Variants in PTPRM observed in about 807,000 individuals in gnomAD.
PTPRM encodes the protein receptor-type tyrosine-protein phosphatase mu.
In PTPRM, 47 loss-of-function variants were observed where a neutral mutation model predicts 186.7. The ratio of observed to expected loss-of-function variants is 0.25; its 90% confidence interval spans 0.20 to 0.32. PTPRM has a LOEUF of 0.32. Among genes scored for constraint, PTPRM ranks in the 10% least tolerant of loss-of-function variants. The probability of loss-of-function intolerance (pLI) is 1.00; values close to 1 mark genes in which losing one functional copy is unlikely to be tolerated. For missense variants in PTPRM, 1,494 were observed against 1,865.0 expected (o/e 0.80, Z 3.66); for synonymous variants, 668 against 674.9 (o/e 0.99, Z 0.16).
intron 14 of PTPRM, among the ~76,000 whole-genome samples, chr18:8,176,807 G>A (rs946787086): frequency 1.3e-5 from 2 of 152,128 alleles, no homozygotes; most frequent in South Asian, 2.1e-4. Context: ...AGTCAACCTC[G>A]GCAATAATAA....
At chr18:8,166,941 T>C (rs1222360752) in intron 14 of PTPRM, among the ~76,000 whole-genome samples, 1 of 152,200 alleles carries the variant, frequency 6.6e-6, no homozygotes, top group Non-Finnish European at 1.5e-5. Context: ...AGAAAGCAGC[T>C]GAAAATTCTG....
At chr18:7,726,479 A>C (rs1264436304) in intron 1 of PTPRM, among the ~76,000 whole-genome samples, 1 of 152,132 alleles carries the variant, frequency 6.6e-6, no homozygotes, top group South Asian at 2.1e-4. Flanking sequence ...TTAAGCTCTC[A>C]TAGAAGGATT....
At chr18:8,084,817 G>A (rs983035041) in intron 9 of PTPRM, among the ~76,000 whole-genome samples, 1 of 152,090 alleles carries the variant, frequency 6.6e-6, no homozygotes, top group Non-Finnish European at 1.5e-5. Context: ...TACTCATAGT[G>A]AAATTCTTTA....
At chr18:8,380,757 C>A (rs2095728736) in intron 29 of PTPRM, among the ~76,000 whole-genome samples, 1 of 152,166 alleles carries the variant, frequency 6.6e-6, no homozygotes. Flanking sequence ...CAGCAGGAAC[C>A]TGAACATCGC....
chr18:7,666,280 C>T (rs1396503253), intron 1 of PTPRM, among the ~76,000 whole-genome samples: 1 of 152,022 alleles, frequency 6.6e-6, no homozygotes, highest in Non-Finnish European at 1.5e-5. Context: ...TTTGTCTTCT[C>T]TTCCCAGAAC....
chr18:7,992,769 A>G (rs1241358797), intron 7 of PTPRM, among the ~76,000 whole-genome samples: 2 of 152,258 alleles, frequency 1.3e-5, no homozygotes, highest in Middle Eastern at 3.4e-3. Flanking sequence ...TTTCTGGTCA[A>G]GAAAACATCA....
intron 32 of PTPRM, among the ~76,000 whole-genome samples, chr18:8,401,777 G>C (rs140440731): frequency 6.6e-6 from 1 of 152,378 alleles, no homozygotes; most frequent in Non-Finnish European, 1.5e-5. Flanking sequence ...CAAGCTAGCA[G>C]TGGCTTTTAA....
At chr18:8,196,832 G>A (rs979460327) in intron 14 of PTPRM, among the ~76,000 whole-genome samples, 5 of 152,154 alleles carry the variant, frequency 3.3e-5, no homozygotes, top group Non-Finnish European at 7.4e-5. Context: ...TCACCTCAGG[G>A]CAGTTTGCTA....
chr18:8,302,141 G>A (rs756637871), intron 20 of PTPRM, among the ~76,000 whole-genome samples: 19 of 152,214 alleles, frequency 1.2e-4, no homozygotes, highest in Non-Finnish European at 1.3e-4. Flanking sequence ...TAAAATTCAA[G>A]TTAAGGGCAC....
intron 1 of PTPRM, among the ~76,000 whole-genome samples, chr18:7,581,211 A>G (rs2036836915): frequency 6.6e-6 from 1 of 152,192 alleles, no homozygotes; most frequent in Admixed American, 6.6e-5. Flanking sequence ...AAAGGTGGGC[A>G]CGGGATTCCA....
chr18:7,690,357 A>G (rs2039706765), intron 1 of PTPRM, among the ~76,000 whole-genome samples: 1 of 152,250 alleles, frequency 6.6e-6, no homozygotes, highest in African/African-American at 2.4e-5. Context: ...TTCTGAGGTC[A>G]GCTCTCAAGG....
intron 23 of PTPRM, among the ~76,000 whole-genome samples, chr18:8,350,405 T>C (rs1307644904): frequency 6.6e-6 from 1 of 152,224 alleles, no homozygotes; most frequent in East Asian, 1.9e-4. Context: ...CTGATATGTA[T>C]GACTCTGTTG....
chr18:8,191,081 G>T (rs114956679), intron 14 of PTPRM, among the ~76,000 whole-genome samples: 53 of 152,332 alleles, frequency 3.5e-4, no homozygotes, highest in African/African-American at 1.3e-3. Context: ...AGGGGTTGGA[G>T]GAATGGGGAT....
chr18:7,609,298 G>A (rs757838528), intron 1 of PTPRM, among the ~76,000 whole-genome samples: 2 of 152,156 alleles, frequency 1.3e-5, no homozygotes, highest in Non-Finnish European at 1.5e-5. Context: ...TCTGGATGAT[G>A]AGACAAAGTT....
chr18:7,855,415 C>T (rs1008670360), intron 2 of PTPRM, among the ~76,000 whole-genome samples: 27 of 152,218 alleles, frequency 1.8e-4, no homozygotes, highest in Admixed American at 1.5e-3. Context: ...TTCCCCACCA[C>T]AAAGCTGCTT....
chr18:7,934,443 TAA>T (rs1387612502), intron 5 of PTPRM, among the ~76,000 whole-genome samples: 1 of 152,228 alleles, frequency 6.6e-6, no homozygotes, highest in Non-Finnish European at 1.5e-5. Flanking sequence ...CAGATAATTT[TAA>T]AACTTTTTCT....
At chr18:7,895,967 A>G (rs1426985448) in intron 3 of PTPRM, among the ~76,000 whole-genome samples, 1 of 152,258 alleles carries the variant, frequency 6.6e-6, no homozygotes, top group Non-Finnish European at 1.5e-5. Context: ...ATGGTAGAAT[A>G]GTATGCTACA....
At chr18:8,187,379 G>A (rs370434448) in intron 14 of PTPRM, among the ~76,000 whole-genome samples, 1 of 152,210 alleles carries the variant, frequency 6.6e-6, no homozygotes, top group Non-Finnish European at 1.5e-5. Flanking sequence ...CTGGAGAAAG[G>A]CCAGCAAGAG....
At chr18:7,611,728 G>A (rs2037680246) in intron 1 of PTPRM, among the ~76,000 whole-genome samples, 1 of 152,134 alleles carries the variant, frequency 6.6e-6, no homozygotes, top group Non-Finnish European at 1.5e-5. Flanking sequence ...AGTCTCATGA[G>A]ACCTAATGGT....
Sources: allele counts gnomAD v4.1 joint callset (sites outside exome capture counted in the v4.1 genomes callset), GRCh38; gene constraint gnomAD v4.1.1; transcripts MANE v1.5; gene names NCBI Gene and HGNC (gene_info 2026-07-23, HGNC 2026-07-21).